LY86: variants seen among roughly 807,000 people sequenced by gnomAD.
LY86 encodes the protein lymphocyte antigen 86, also known as MD-1, RP105-associated.
LY86 carries 20 observed loss-of-function variants against 17.3 expected under a neutral mutation model. That is an observed-to-expected ratio of 1.15 (90% CI 0.81 to 1.68). LY86 has a LOEUF of 1.68. LY86 is among the 40% of genes most tolerant of loss of function. The pLI, the probability that LY86 is intolerant of heterozygous loss-of-function variation, is 0.00. For missense variants in LY86, 200 were observed against 191.9 expected (o/e 1.04, Z -0.25); for synonymous variants, 74 against 70.6 (o/e 1.05, Z -0.24).
At chr6:6,619,228 G>A (rs1429928499) in intron 1 of LY86, among the ~76,000 whole-genome samples, 1 of 152,188 alleles carries the variant, frequency 6.6e-6, no homozygotes. Context: ...TTGGCCATCA[G>A]CCAACCTAAA....
intron 1 of LY86, among the ~76,000 whole-genome samples, chr6:6,604,926 A>G (rs1014662812): frequency 1.1e-4 from 17 of 151,706 alleles, no homozygotes; most frequent in African/African-American, 4.1e-4. Context: ...CTCATAGAAA[A>G]GAGAAAATAA....
At chr6:6,602,271 G>A (rs1419827555) in intron 1 of LY86, among the ~76,000 whole-genome samples, 1 of 152,182 alleles carries the variant, frequency 6.6e-6, no homozygotes, top group African/African-American at 2.4e-5. Flanking sequence ...CCTAGTTCAT[G>A]CCAGTCCCAT....
intron 1 of LY86, among the ~76,000 whole-genome samples, chr6:6,605,628 AT>A (rs1334262013): frequency 1.3e-5 from 2 of 152,248 alleles, no homozygotes; most frequent in Non-Finnish European, 2.9e-5. Context: ...CAGAAGCAAC[AT>A]TCCAATGTTT....
intron 1 of LY86, among the ~76,000 whole-genome samples, chr6:6,624,410 T>TGGGA (rs1480930527): frequency 2.5e-5 from 1 of 40,206 alleles, no homozygotes. Context: ...ATGGGATGGG[T>TGGGA]TGGGATGGGA....
intron 3 of LY86, among the ~76,000 whole-genome samples, chr6:6,644,498 G>A (rs968029104): frequency 1.3e-5 from 2 of 151,886 alleles, no homozygotes; most frequent in African/African-American, 4.8e-5. Flanking sequence ...GGGTGACAGA[G>A]CCAGACCCTG....
chr6:6,588,903 T>C (rs538071739), intron 1 of LY86, 33 bp downstream of exon 1: 23 of 1,604,862 alleles, frequency 1.4e-5, no homozygotes, highest in East Asian at 2.2e-5. Flanking sequence ...TGTGTGTTTA[T>C]GGGGAAAGCA....
intron 1 of LY86, chr6:6,591,531 A>G (rs1398726297): frequency 6.5e-6 from 1 of 153,762 alleles, no homozygotes; most frequent in East Asian, 1.9e-4. Context: ...GACTGATGAA[A>G]ATACTAATGA....
At chr6:6,615,270 C>T (rs1761525980) in intron 1 of LY86, among the ~76,000 whole-genome samples, 1 of 152,176 alleles carries the variant, frequency 6.6e-6, no homozygotes. Context: ...ATTTTCACAG[C>T]ACTCTCCTAT....
chr6:6,630,269 T>C (rs1353445239), intron 3 of LY86, among the ~76,000 whole-genome samples: 3 of 152,268 alleles, frequency 2.0e-5, no homozygotes, highest in Admixed American at 6.5e-5. Context: ...CAGCGATATT[T>C]GGACTCGAAT....
intron 3 of LY86, among the ~76,000 whole-genome samples, chr6:6,630,673 G>T (rs1239458270): frequency 6.6e-6 from 1 of 152,160 alleles, no homozygotes; most frequent in Admixed American, 6.5e-5. Flanking sequence ...GTGTGATCCG[G>T]GAGCTTTGGT....
chr6:6,612,565 T>C lies in LY86; in HGVS notation c.137-12361T>C, dbSNP rs559168343. Among the ~76,000 whole-genome samples the C allele has an allele frequency of 1.8e-4, 27 of 152,154 alleles. No homozygotes were observed. In the East Asian group the frequency reaches 4.7e-3, roughly 26 times the overall value. ...AAGCAACGAAACAACCAGTTGTCAC[T>C]AGTGGAGCCTGCAGCCTGACTTTAT... is the stretch of plus-strand genomic sequence containing the variant. On this transcript the variant is annotated intron_variant, in intron 1 of 4. Transcript: ENST00000230568.
At chr6:6,612,336 A>G (rs1205596934) in intron 1 of LY86, among the ~76,000 whole-genome samples, 3 of 152,258 alleles carry the variant, frequency 2.0e-5, no homozygotes, top group Non-Finnish European at 2.9e-5. Flanking sequence ...AGACCCTCGC[A>G]GTAAGCATTA....
intron 1 of LY86, among the ~76,000 whole-genome samples, chr6:6,598,861 T>C (rs1016247105): frequency 1.1e-4 from 17 of 152,230 alleles, no homozygotes; most frequent in African/African-American, 4.1e-4. Context: ...TCAAGGTTAA[T>C]CCTTACAACA....
intron 1 of LY86, among the ~76,000 whole-genome samples, chr6:6,595,613 GA>G (rs1561774556): frequency 6.7e-6 from 1 of 150,346 alleles, no homozygotes; most frequent in Non-Finnish European, 1.5e-5. Flanking sequence ...GACCACCTCA[GA>G]AGAGAAGGAG....
chr6:6,612,224 T>A (rs1376705034), intron 1 of LY86, among the ~76,000 whole-genome samples: 1 of 152,190 alleles, frequency 6.6e-6, no homozygotes, highest in African/African-American at 2.4e-5. Flanking sequence ...GTTAAGTTCT[T>A]CAAGAGGGCG....
intron 1 of LY86, among the ~76,000 whole-genome samples, chr6:6,606,570 G>A (rs564635660): frequency 2.0e-5 from 3 of 152,140 alleles, no homozygotes; most frequent in Non-Finnish European, 4.4e-5. Context: ...CCCACGGAGC[G>A]GGGGGAGGCT....
intron 1 of LY86, chr6:6,621,259 C>G (rs1352388385): frequency 6.6e-6 from 1 of 152,242 alleles, no homozygotes; most frequent in East Asian, 1.9e-4. Flanking sequence ...CTCTGATTAA[C>G]TTTCCGATGT....
intron 1 of LY86, among the ~76,000 whole-genome samples, chr6:6,592,446 A>G (rs937141343): frequency 1.3e-5 from 2 of 152,254 alleles, no homozygotes; most frequent in African/African-American, 2.4e-5. Flanking sequence ...TGCCTCCAGC[A>G]TATACACGAA....
intron 1 of LY86, 37 bp from the exon 2 acceptor site, chr6:6,624,889 T>C (rs1761756877): frequency 1.1e-6 from 1 of 928,980 alleles, no homozygotes; most frequent in East Asian, 2.5e-5. Flanking sequence ...AAATATACGA[T>C]GTACTCGCAA....
Sources: allele counts gnomAD v4.1 joint callset (sites outside exome capture counted in the v4.1 genomes callset), GRCh38; gene constraint gnomAD v4.1.1; transcripts MANE v1.5; gene names NCBI Gene and HGNC (gene_info 2026-07-23, HGNC 2026-07-21).